Variants in UBTF observed in about 807,000 individuals in gnomAD.
UBTF encodes nucleolar transcription factor 1.
UBTF carries 8 observed loss-of-function variants against 112.3 expected under a neutral mutation model. The ratio of observed to expected loss-of-function variants is 0.07; its 90% CI spans 0.04 to 0.13. UBTF has a LOEUF of 0.13. Among genes scored for constraint, UBTF ranks in the 10% least tolerant of loss-of-function variants. The pLI, the probability that UBTF is intolerant of heterozygous loss-of-function variation, is 1.00. For synonymous variants in UBTF, 417 were observed against 373.1 expected, an observed-to-expected ratio of 1.12 and a Z score of -1.36; for missense variants, 457 against 982.1, an observed-to-expected ratio of 0.47 and a Z score of 7.15.
intron 8 of UBTF, 81 bp from the exon 9 acceptor site, chr17:44,212,087 G>A (rs559380509): frequency 1.3e-6 from 2 of 1,483,612 alleles, no homozygotes; most frequent in Non-Finnish European, 9.2e-7. Context: ...CCGCTGGGGA[G>A]GGCAGGCAGG....
At chr17:44,209,867 G>T in intron 15 of UBTF, 134 bp from the exon 16 acceptor site, 1 of 968,254 alleles carries the variant, frequency 1.0e-6, no homozygotes, top group Non-Finnish European at 1.6e-6. Flanking sequence ...TAGCTAGTGA[G>T]CAACTTCCTA....
chr17:44,211,161 G>C lies in UBTF; in HGVS notation c.1090-9C>G. The C allele has an allele frequency of 6.2e-7, 1 of 1,613,034 alleles. No homozygotes were observed. The highest frequency in any genetic ancestry group is 1.7e-4 in the Middle Eastern group (1 of 6,058). ...TCCTCCTCAGGCAGGCTCTGGACAG[G>C]AAAGAGGAGCACGGGGCTGCATGCC... On this transcript the variant is annotated splice_polypyrimidine_tract_variant and intron_variant, in intron 11 of 20. Transcript: ENST00000436088. This position sits in a 1 kb window ranked among gnomAD's most constrained non-coding sequence, Gnocchi z 4.9.
At chr17:44,210,022 G>C in intron 15 of UBTF, 102 bp downstream of exon 15, 2 of 1,216,016 alleles carry the variant, frequency 1.6e-6, no homozygotes, top group Non-Finnish European at 2.4e-6. Flanking sequence ...GAGACTTGCT[G>C]AGAGTCACAG....
intron 6 of UBTF, 43 bp from the exon 7 acceptor site, chr17:44,212,982 C>A: frequency 1.2e-6 from 2 of 1,606,488 alleles, no homozygotes; most frequent in Non-Finnish European, 8.5e-7. Context: ...GGGACGCTGC[C>A]AGGGCAGACT....
chr17:44,215,444 C>T, intron 5 of UBTF: 1 of 605,076 alleles, frequency 1.7e-6, no homozygotes, highest in Admixed American at 3.1e-5. Flanking sequence ...CACCTGCTGT[C>T]TGGTTTACAT....
In UBTF at chr17:44,210,360, G is replaced by A; in HGVS notation, c.1473C>T (p.Ile491=). The change falls in exon 14 of 21, where the codon ATC becomes ATT. Residue 491 remains isoleucine, a synonymous_variant. Transcript: ENST00000436088. ...AGTCGCCGATAACGCTCTGTTGCCAGATCTCCTCAGCTCTTTTGGGGGACT... is the reference window on the plus strand; with the variant it reads ...AGTCGCCGATAACGCTCTGTTGCCAAATCTCCTCAGCTCTTTTGGGGGACT... ...LPESPKRAEE[I]WQQSVIGDYL... 2 of 1,614,224 alleles carry A rather than the reference G, an allele frequency of 1.2e-6. No individual in the cohort carries two copies. The highest frequency in any genetic ancestry group is 2.2e-5 in the East Asian group (1 of 44,878).
At chr17:44,215,329 G>A (rs753517644) in intron 5 of UBTF, 18 of 305,290 alleles carry the variant, frequency 5.9e-5, no homozygotes, top group African/African-American at 8.6e-5. Context: ...GTCATAGAGG[G>A]TGAAGAAGTG....
chr17:44,207,522 C>A lies in UBTF; in HGVS notation c.2101G>T (p.Asp701Tyr). ...GAGTCGCCGCCATCTTCAGAGGAGT[C>A]CCCATTCTCATCATCTTCCTCTTCT... ...DEEEEDDENGDSSEDGGDSSE... is the reference protein window; with the variant it reads ...DEEEEDDENGYSSEDGGDSSE... Residue 701 changes from aspartate to tyrosine, a missense_variant, in exon 20 of 21, where the codon GAC (aspartate) becomes TAC (tyrosine). Asp to Tyr is a radical substitution (Grantham distance 160, BLOSUM62 -3). Transcript: ENST00000436088. 6.2e-7 allele frequency: 1 copy of A among 1,614,072 alleles called. No homozygotes were observed. The highest frequency in any genetic ancestry group is 8.5e-7 in the Non-Finnish European group (1 of 1,180,010).
At position 44,210,386 on chromosome 17, in the gene UBTF, C is replaced by T. The variant is rs771384325; in HGVS notation, c.1447G>A (p.Glu483Lys). ...GEREERGKLP[E>K]SPKRAEEIWQ... is the part of the protein sequence containing the mutation. The stretch of plus-strand genomic sequence containing the variant: ...ATCTCCTCAGCTCTTTTGGGGGACT[C>T]GGGCAGCTTGCCCCGTTCCTCGCGC... Residue 483 changes from glutamate (E) to lysine (K), a missense_variant, in exon 14 of 21, where the codon GAG becomes AAG. Glu to Lys is a moderately conservative substitution (Grantham distance 56). Around this residue, in one of 7 missense-constraint regions of UBTF, gnomAD observed 77 missense variants for 211.9 expected, o/e 0.36. Coordinates refer to ENST00000436088, the MANE Select transcript of UBTF (RefSeq NM_014233.4). The T allele has an allele frequency of 6.2e-7, 1 of 1,614,096 alleles. No homozygotes were observed. Among genetic ancestry groups the T allele is most frequent in the African/African-American group, 1.3e-5 (1 of 74,946 alleles).
At chr17:44,208,893 G>A (rs1294467264) in intron 17 of UBTF, 2 of 347,978 alleles carry the variant, frequency 5.7e-6, no homozygotes, top group African/African-American at 4.5e-5. Context: ...ATTTTTAAAA[G>A]GGTGATAGTG....
At chr17:44,216,199 C>A (rs1321624239) in intron 3 of UBTF, 2 of 610,054 alleles carry the variant, frequency 3.3e-6, no homozygotes, top group East Asian at 2.8e-5. Context: ...TCAGTACACA[C>A]CAAAGGCCAG....
In UBTF at chr17:44,206,969, G is replaced by A. The variant is rs532524933; in HGVS notation, c.*273C>T. 10 of 527,642 alleles carry A rather than the reference G, an allele frequency of 1.9e-5. No individual in the cohort carries two copies. The highest frequency in any genetic ancestry group is 3.0e-5 in the Non-Finnish European group (9 of 300,554). 32.7% of individuals were successfully genotyped at this position (527,642 alleles called of 1,614,324 possible). ...GGAACCGCAAGTGCAGAAGTGGGTG[G>A]GGTGGGCCAGGCTGGTCCGGTGCTG... On this transcript the variant is annotated 3_prime_UTR_variant, in exon 21 of 21. Transcript: ENST00000436088.
chr17:44,220,015 G>A (rs936937501), upstream of UBTF, among the ~76,000 whole-genome samples: 1 of 148,768 alleles, frequency 6.7e-6, no homozygotes, highest in Non-Finnish European at 1.5e-5. Context: ...AGGAAGGAGG[G>A]GAGGGGGGTG....
intron 5 of UBTF, chr17:44,215,344 G>T: frequency 3.0e-6 from 1 of 334,792 alleles, no homozygotes; most frequent in Non-Finnish European, 5.6e-6. Context: ...GAAGTGCTGC[G>T]GAGCCTAACA....
In UBTF at chr17:44,210,420, G is replaced by C; in HGVS notation, c.1413C>G (p.Pro471=). ...TGCCCCGTTCCTCGCGCTCCCCGCCGGGCTTCCTCTCCGACTGAGCCTTGA... is the reference window on the plus strand; with the variant it reads ...TGCCCCGTTCCTCGCGCTCCCCGCCCGGCTTCCTCTCCGACTGAGCCTTGA... ...AALKAQSERK[P]GGEREERGKL... The change falls in exon 14 of 21, where the codon CCC becomes CCG. Residue 471 remains proline, a synonymous_variant. Transcript: ENST00000436088. The C allele has an allele frequency of 6.2e-7, 1 of 1,613,914 alleles. No individual in the cohort carries two copies. The highest frequency in any genetic ancestry group is 2.2e-5 in the East Asian group (1 of 44,880).
chr17:44,213,200 T>G lies in UBTF; in HGVS notation c.539+18A>C, dbSNP rs754414817. 33 of 1,612,082 alleles carry G rather than the reference T, an allele frequency of 2.0e-5. No homozygotes were observed. The South Asian group carries it at 3.4e-4, about 17-fold the overall frequency. The stretch of plus-strand genomic sequence containing the variant: ...CCCCCAGTGCCCCGTGGCCCTCCTC[T>G]GGGCTCCACTGCCTTACCTGAATCG... On this transcript the variant is annotated intron_variant, in intron 6 of 20. Transcript: ENST00000436088.
At chr17:44,219,712 G>A, upstream of UBTF, 1 of 152,974 alleles carries the variant, frequency 6.5e-6, no homozygotes, top group Non-Finnish European at 1.5e-5. Context: ...CAGCCCGCCC[G>A]CCGCCGGCCC....
chr17:44,220,906 C>A, upstream of UBTF: 1 of 149,930 alleles, frequency 6.7e-6, no homozygotes, highest in South Asian at 1.8e-4. Context: ...CGCCGCGCTC[C>A]GCCCGCCCCG....
intron 16 of UBTF, 40 bp from the exon 17 acceptor site, chr17:44,209,581 C>A (rs1037924014): frequency 1.2e-6 from 2 of 1,613,228 alleles, no homozygotes; most frequent in Middle Eastern, 3.3e-4. Flanking sequence ...AGGACCCCAA[C>A]AAAGCAGCCA....
Sources: allele counts gnomAD v4.1 joint callset (sites outside exome capture counted in the v4.1 genomes callset), GRCh38; gene constraint gnomAD v4.1.1; regional missense constraint gnomAD v4.1.1; non-coding constraint Gnocchi (gnomAD v3.1); transcripts MANE v1.5; gene names NCBI Gene and HGNC (gene_info 2026-07-23, HGNC 2026-07-21).